The following DAPK2 variants were observed in gnomAD, a reference collection of about 807,000 sequenced individuals.
The protein encoded by DAPK2 is death associated protein kinase 2.
A neutral mutation model predicts 44.1 loss-of-function variants in DAPK2; 35 were observed. The observed-to-expected ratio is 0.79, with a 90% CI of 0.61 to 1.05. The LOEUF is 1.05. Ranked by LOEUF, DAPK2 falls within the 50% of genes least tolerant of loss-of-function variation. DAPK2 has a pLI of 0.00. For synonymous variants in DAPK2, 174 were observed against 182.6 expected (o/e 0.95, Z 0.38); for missense variants, 453 against 483.2 (o/e 0.94, Z 0.59).
intron 8 of DAPK2, chr15:63,922,448 C>A (rs2079101477): frequency 3.4e-6 from 4 of 1,163,420 alleles, no homozygotes; most frequent in East Asian, 4.5e-5. Context: ...CCAGGGCCAG[C>A]CATCCTCCCT....
Position 64,021,443 on chromosome 15 carries a change from T to C in DAPK2, c.92+18727A>G, listed in dbSNP as rs549817187. On this transcript the variant is annotated intron_variant, in intron 1 of 10. Transcript: ENST00000261891. ...AAATTGTTGCTGCTGAATTTCTACC[T>C]TCTCCTGGGCTTGTAAACACAAGCT... Among the ~76,000 whole-genome samples, 8 of 152,292 alleles carry C rather than the reference T, an allele frequency of 5.3e-5. No homozygotes were observed. The South Asian group carries it at 1.5e-3, about 28-fold the overall frequency.
chr15:63,976,656 G>A (rs899855326), intron 2 of DAPK2, among the ~76,000 whole-genome samples: 1 of 152,122 alleles, frequency 6.6e-6, no homozygotes, highest in Non-Finnish European at 1.5e-5. Flanking sequence ...AGTGAGCCGT[G>A]ATTGTGCCAT....
intron 3 of DAPK2, among the ~76,000 whole-genome samples, chr15:63,953,105 A>G (rs1284234834): frequency 1.3e-5 from 2 of 151,768 alleles, no homozygotes; most frequent in African/African-American, 2.4e-5. Flanking sequence ...AATGAACCCA[A>G]TTTGCAGTCT....
intron 7 of DAPK2, among the ~76,000 whole-genome samples, chr15:63,925,678 G>GCACACACACA (rs3222873): frequency 1.4e-5 from 2 of 138,446 alleles, no homozygotes; most frequent in African/African-American, 2.8e-5. Flanking sequence ...GACTTGTAGC[G>GCACACACACA]CACACACACA....
At position 63,971,580 on chromosome 15, in the gene DAPK2, G is replaced by A. The variant is rs763556898; in HGVS notation, c.315-19C>T. ...AGACACTCTGTAAAACACCAGCGGG[G>A]GGAGGGGAGGCCCAGGCCCAGTCAG... On this transcript the variant is annotated intron_variant, in intron 2 of 10. Coordinates refer to ENST00000261891, the Ensembl canonical transcript of DAPK2. 1 of 1,613,062 alleles carries A rather than the reference G, an allele frequency of 6.2e-7. No homozygotes were observed. Among genetic ancestry groups the A allele is most frequent in the Non-Finnish European group, 8.5e-7 (1 of 1,179,434 alleles).
In DAPK2 at chr15:64,013,175, ACAAAG is replaced by A; in HGVS notation, c.92+26990_92+26994del. ...CCGACTCATTTCACGGTGCATGTGCACAAAGCAGTCACAATAACATTTTGGTTGTT... is the reference window on the plus strand; with the variant it reads ...CCGACTCATTTCACGGTGCATGTGCACAGTCACAATAACATTTTGGTTGTT... On this transcript the variant is annotated intron_variant, in intron 1 of 10. Coordinates refer to ENST00000261891, the Ensembl canonical transcript of DAPK2. The surrounding 1 kb of genome is among the most constrained non-coding windows in gnomAD (Gnocchi z 4.7). Among the ~76,000 whole-genome samples, 1 of 152,378 alleles carries A rather than the reference ACAAAG, an allele frequency of 6.6e-6. No homozygotes were observed. The highest frequency in any genetic ancestry group is 1.5e-5 in the Non-Finnish European group (1 of 68,038).
At chr15:64,008,790 G>A (rs1358535181) in intron 1 of DAPK2, among the ~76,000 whole-genome samples, 1 of 152,176 alleles carries the variant, frequency 6.6e-6, no homozygotes, top group Non-Finnish European at 1.5e-5. Flanking sequence ...TGTTTTAAAA[G>A]TAAGAAAATG....
At chr15:63,982,436 C>T (rs1849038623) in intron 2 of DAPK2, among the ~76,000 whole-genome samples, 1 of 152,084 alleles carries the variant, frequency 6.6e-6, no homozygotes. Flanking sequence ...GATCTGCCCG[C>T]CTTGGCCTCC....
At chr15:63,924,985 G>A in intron 7 of DAPK2, 124 bp from the exon 9 acceptor site, 1 of 1,003,034 alleles carries the variant, frequency 1.0e-6, no homozygotes, top group Non-Finnish European at 1.5e-6. Context: ...CAAACCAGTG[G>A]AATGGAGGAT....
At position 63,923,047 on chromosome 15, in the gene DAPK2, C is replaced by A. The variant is rs1370719229; in HGVS notation, c.858+1769G>T. On this transcript the variant is annotated intron_variant, in intron 8 of 10. Coordinates refer to ENST00000261891, the Ensembl canonical transcript of DAPK2. This position sits in a 1 kb window ranked among gnomAD's most constrained non-coding sequence, Gnocchi z 4.2. ...TGCGGAACTCATACCTGAGCTGGGACAGGTCATGCCGGGCGCTCTCATTCT... is the reference window on the plus strand; with the variant it reads ...TGCGGAACTCATACCTGAGCTGGGAAAGGTCATGCCGGGCGCTCTCATTCT... 1.3e-6 allele frequency: 2 copies of A among 1,535,736 alleles called. No individual in the cohort carries two copies. The highest frequency in any genetic ancestry group is 3.9e-5 in the Admixed American group (2 of 50,972).
At chr15:63,910,472 G>A (rs890052891) in intron 10 of DAPK2, among the ~76,000 whole-genome samples, 5 of 152,240 alleles carry the variant, frequency 3.3e-5, no homozygotes, top group African/African-American at 7.2e-5. Flanking sequence ...AGCGGGGGGA[G>A]GGGCTGTCCA....
In DAPK2 at chr15:63,983,898, A is replaced by T. The variant is rs2078600907; in HGVS notation, c.93-144T>A. 1.5e-5 allele frequency: 11 copies of T among 757,172 alleles called. No individual in the cohort carries two copies. The South Asian group carries it at 1.7e-4, about 12-fold the overall frequency. 46.9% of individuals were successfully genotyped at this position (757,172 alleles called of 1,614,324 possible). On this transcript the variant is annotated intron_variant, in intron 1 of 10. Transcript: ENST00000261891. Reference sequence around the variant, plus strand: ...TGCCACCAGTCTGCATCCCCACCTGATGACAACCTGTGGATGAGATGGGGC... The same window carrying T: ...TGCCACCAGTCTGCATCCCCACCTGTTGACAACCTGTGGATGAGATGGGGC...
intron 1 of DAPK2, among the ~76,000 whole-genome samples, chr15:64,035,949 G>A (rs1659073927): frequency 6.6e-6 from 1 of 152,122 alleles, no homozygotes; most frequent in African/African-American, 2.4e-5. Flanking sequence ...CATAGGATAA[G>A]GATAGACAAA....
In DAPK2 at chr15:64,012,084, A is replaced by G. The variant is rs191663571; in HGVS notation, c.92+28086T>C. On this transcript the variant is annotated intron_variant, in intron 1 of 10. Transcript: ENST00000261891. ...TTTCCTCACACAGTTGCAAGAACACACTGCAAAGCTGTACCATAAGGAATC... is the reference window on the plus strand; with the variant it reads ...TTTCCTCACACAGTTGCAAGAACACGCTGCAAAGCTGTACCATAAGGAATC... 1.1e-3 allele frequency among the ~76,000 whole-genome samples: 167 copies of G among 152,342 alleles called. 2 individuals are homozygous for G. The highest frequency in any genetic ancestry group is 2.7e-3 in the South Asian group (13 of 4,830).
At chr15:63,929,262 G>A (rs893754763) in intron 6 of DAPK2, among the ~76,000 whole-genome samples, 1 of 152,030 alleles carries the variant, frequency 6.6e-6, no homozygotes, top group Non-Finnish European at 1.5e-5. Flanking sequence ...CAGTCTGGGG[G>A]AGGGTGAGCA....
At chr15:63,951,355 G>A (rs2077581366) in intron 3 of DAPK2, among the ~76,000 whole-genome samples, 1 of 152,152 alleles carries the variant, frequency 6.6e-6, no homozygotes. Context: ...CTGTTTCCTG[G>A]TGATCCATCC....
intron 1 of DAPK2, among the ~76,000 whole-genome samples, chr15:64,003,277 C>T (rs540786495): frequency 3.6e-4 from 55 of 152,278 alleles, no homozygotes; most frequent in African/African-American, 1.3e-3. Flanking sequence ...GATTCTGTCC[C>T]TTTTCAGCGG....
intron 3 of DAPK2, among the ~76,000 whole-genome samples, chr15:63,959,843 T>C (rs1215077561): frequency 3.3e-5 from 5 of 152,180 alleles, no homozygotes; most frequent in Admixed American, 3.3e-4. Context: ...TGCCAGGCTT[T>C]GGTATCAGGA....
At chr15:63,975,107 C>A (rs192912750) in intron 2 of DAPK2, among the ~76,000 whole-genome samples, 11 of 152,226 alleles carry the variant, frequency 7.2e-5, no homozygotes, top group Admixed American at 7.2e-4. Flanking sequence ...TTTTGGTTTA[C>A]AATCCTCTGA....
Sources: allele counts gnomAD v4.1 joint callset (sites outside exome capture counted in the v4.1 genomes callset), GRCh38; gene constraint gnomAD v4.1.1; non-coding constraint Gnocchi (gnomAD v3.1); transcripts MANE v1.5; gene names NCBI Gene and HGNC (gene_info 2026-07-23, HGNC 2026-07-21).